Variants in GRIK2 observed in about 807,000 individuals in gnomAD.
GRIK2 encodes the protein glutamate receptor ionotropic, kainate 2.
Under a neutral mutation model 100.3 loss-of-function variants are expected in GRIK2, and 32 were observed. The ratio of observed to expected loss-of-function variants is 0.32; its 90% CI spans 0.24 to 0.43. The LOEUF (loss-of-function observed/expected upper bound fraction) is 0.43. GRIK2 is among the 20% of genes least tolerant of loss of function. The pLI is 1.00. For synonymous variants in GRIK2, 417 were observed against 389.4 expected, an observed-to-expected ratio of 1.07 and a Z score of -0.83; for missense variants, 843 against 1,114.9, an observed-to-expected ratio of 0.76 and a Z score of 3.47.
At chr6:101,522,647 TCCACTAAACCTTGC>T (rs946926693) in intron 2 of GRIK2, among the ~76,000 whole-genome samples, 3 of 152,160 alleles carry the variant, frequency 2.0e-5, no homozygotes, top group African/African-American at 7.2e-5. Flanking sequence ...ATTAGTCATG[TCCACTAAACCTTGC>T]ATAAATGAAA....
At chr6:101,753,282 C>CAAAAA (rs774187168) in intron 7 of GRIK2, among the ~76,000 whole-genome samples, 3 of 70,854 alleles carry the variant, frequency 4.2e-5, no homozygotes, top group Admixed American at 1.7e-4. Context: ...GACTCCGTCT[C>CAAAAA]AAAAAAAAAA....
intron 10 of GRIK2, 105 bp downstream of exon 10, chr6:101,818,588 C>T (rs1192076520): frequency 3.0e-6 from 2 of 663,740 alleles, no homozygotes; most frequent in East Asian, 2.7e-5. Flanking sequence ...ATGTATTTTA[C>T]AGTTATTTAG....
At chr6:101,771,533 A>AT (rs1778404868) in intron 7 of GRIK2, among the ~76,000 whole-genome samples, 2 of 150,856 alleles carry the variant, frequency 1.3e-5, no homozygotes, top group African/African-American at 4.9e-5. Flanking sequence ...ATTTATTATT[A>AT]TTTTTTATTA....
At chr6:101,790,430 T>C (rs1779760285) in intron 7 of GRIK2, among the ~76,000 whole-genome samples, 1 of 152,046 alleles carries the variant, frequency 6.6e-6, no homozygotes, top group Non-Finnish European at 1.5e-5. Flanking sequence ...TTGTTGAATT[T>C]TGTCAAAGGC....
intron 16 of GRIK2, chr6:102,066,010 C>A: frequency 1.4e-6 from 1 of 694,322 alleles, no homozygotes; most frequent in South Asian, 3.2e-5. Flanking sequence ...AAATATAATT[C>A]ATGAATTGCA....
At chr6:101,471,672 AT>A (rs1398190904) in intron 2 of GRIK2, among the ~76,000 whole-genome samples, 1 of 151,990 alleles carries the variant, frequency 6.6e-6, no homozygotes, top group Non-Finnish European at 1.5e-5. Flanking sequence ...CATAGTTATC[AT>A]TTGAGAAGTC....
intron 14 of GRIK2, among the ~76,000 whole-genome samples, chr6:101,952,471 G>T (rs1791659401): frequency 6.6e-6 from 1 of 151,480 alleles, no homozygotes; most frequent in Non-Finnish European, 1.5e-5. Flanking sequence ...TTGAATTATA[G>T]TTCCAAGTTT....
At chr6:102,034,028 A>AT (rs1770133713) in intron 14 of GRIK2, among the ~76,000 whole-genome samples, 1 of 151,366 alleles carries the variant, frequency 6.6e-6, no homozygotes, top group Non-Finnish European at 1.5e-5. Context: ...TTTGTGTACT[A>AT]TTATAAAATA....
chr6:101,673,978 C>G (rs934159315), intron 4 of GRIK2, among the ~76,000 whole-genome samples: 6 of 152,290 alleles, frequency 3.9e-5, no homozygotes, highest in African/African-American at 1.4e-4. Flanking sequence ...AAGTCATACA[C>G]ATTTGTTAGA....
intron 14 of GRIK2, among the ~76,000 whole-genome samples, chr6:101,992,403 A>G (rs1196011188): frequency 6.6e-6 from 1 of 151,676 alleles, no homozygotes; most frequent in African/African-American, 2.4e-5. Flanking sequence ...GATCACCATA[A>G]GCCTCTTGGC....
intron 2 of GRIK2, among the ~76,000 whole-genome samples, chr6:101,542,589 T>C (rs745909813): frequency 6.6e-6 from 1 of 152,110 alleles, no homozygotes; most frequent in Non-Finnish European, 1.5e-5. Flanking sequence ...ATATTATAGT[T>C]TGTAGTATTT....
intron 2 of GRIK2, among the ~76,000 whole-genome samples, chr6:101,430,065 A>G (rs1769291278): frequency 6.6e-6 from 1 of 152,198 alleles, no homozygotes; most frequent in South Asian, 2.1e-4. Context: ...GCTCTGACAC[A>G]TTAATACCTG....
At chr6:101,867,651 T>C (rs1785135503) in intron 11 of GRIK2, among the ~76,000 whole-genome samples, 1 of 151,794 alleles carries the variant, frequency 6.6e-6, no homozygotes, top group African/African-American at 2.4e-5. Flanking sequence ...AATGACTATA[T>C]TTTATTAAAA....
intron 2 of GRIK2, among the ~76,000 whole-genome samples, chr6:101,420,951 C>A (rs2128240258): frequency 1.3e-5 from 2 of 152,284 alleles, no homozygotes; most frequent in Admixed American, 1.3e-4. Context: ...GATCCAGGGA[C>A]TGGCGTGCAG....
At chr6:101,692,039 C>CAAAAAAAAAAAAAAAAAA (rs60210939) in intron 7 of GRIK2, among the ~76,000 whole-genome samples, 1 of 78,390 alleles carries the variant, frequency 1.3e-5, no homozygotes, top group African/African-American at 4.9e-5. Flanking sequence ...CACCCCGTCT[C>CAAAAAAAAAAAAAAAAAA]AAAAAAAAAA....
chr6:101,501,918 C>T (rs1202959688), intron 2 of GRIK2, among the ~76,000 whole-genome samples: 1 of 152,052 alleles, frequency 6.6e-6, no homozygotes, highest in Non-Finnish European at 1.5e-5. Flanking sequence ...CCACCATGCC[C>T]TGCTAATTTT....
chr6:101,693,337 A>G (rs566615401), intron 7 of GRIK2, among the ~76,000 whole-genome samples: 3 of 152,126 alleles, frequency 2.0e-5, no homozygotes, highest in African/African-American at 7.2e-5. Flanking sequence ...TCTTCAAAGC[A>G]TTGATATAAT....
intron 2 of GRIK2, among the ~76,000 whole-genome samples, chr6:101,473,012 TATG>T (rs1156389214): frequency 6.6e-6 from 1 of 151,748 alleles, no homozygotes; most frequent in African/African-American, 2.4e-5. Flanking sequence ...CTCATTTCTG[TATG>T]ATTTCTTATG....
At chr6:101,937,233 A>G (rs893695716) in intron 14 of GRIK2, among the ~76,000 whole-genome samples, 2 of 152,134 alleles carry the variant, frequency 1.3e-5, no homozygotes, top group African/African-American at 4.8e-5. Context: ...AGCATACACT[A>G]GTATGCTATG....
Sources: gnomAD v4.1 joint callset for allele counts (sites outside exome capture counted in the v4.1 genomes callset) on GRCh38, gnomAD v4.1.1 for gene constraint, MANE v1.5 for transcripts, NCBI Gene and HGNC (gene_info 2026-07-23, HGNC 2026-07-21) for gene names.